The following OGDH variants were observed in gnomAD, a reference collection of about 807,000 sequenced individuals.
The protein encoded by OGDH is oxoglutarate dehydrogenase, also known as 2-oxoglutarate dehydrogenase complex component E1.
A neutral mutation model predicts 116.6 loss-of-function variants in OGDH; 38 were observed. That is an observed-to-expected ratio of 0.33 (90% CI 0.25 to 0.43). OGDH has a LOEUF of 0.43. OGDH is among the 20% of genes least tolerant of loss of function. The pLI is 1.00. For missense variants in OGDH, 825 were observed against 1,357.2 expected (o/e 0.61, Z 6.16); for synonymous variants, 488 against 533.3 (o/e 0.92, Z 1.17).
At chr7:44,678,399 T>C (rs1420352688) in intron 9 of OGDH, among the ~76,000 whole-genome samples, 2 of 152,194 alleles carry the variant, frequency 1.3e-5, no homozygotes, top group Non-Finnish European at 1.5e-5. Flanking sequence ...CTAGCAGTAC[T>C]CACCTCATAA....
At chr7:44,669,140 G>A (rs970987470) in intron 5 of OGDH, among the ~76,000 whole-genome samples, 10 of 115,810 alleles carry the variant, frequency 8.6e-5, no homozygotes, top group Non-Finnish European at 1.3e-4. Flanking sequence ...TGGGGAGCCC[G>A]GCAGCTTTTT....
rs1339200705 is a variant in OGDH, at chr7:44,645,357, G to A, written c.253G>A (p.Ala85Thr). ...GGACATTTTTTTTCGCAACACGAAT[G>A]CCGGAGCCCCACCGGGCACTGCCTA... The part of the protein sequence containing the change: ...SWDIFFRNTN[A>T]GAPPGTAYQS... Residue 85 changes from alanine (A) to threonine (T), a missense_variant, in exon 3 of 23, where the codon GCC becomes ACC. Physicochemically the swap from Ala to Thr is moderately conservative, Grantham distance 58. Around this residue, in one of 7 missense-constraint regions of OGDH, gnomAD observed 126 missense variants for 130.4 expected, o/e 0.97. Transcript: ENST00000222673. 3.1e-6 allele frequency: 5 copies of A among 1,613,902 alleles called. No homozygotes were observed. Among genetic ancestry groups the A allele is most frequent in the Non-Finnish European group, 3.4e-6 (4 of 1,179,972 alleles).
intron 10 of OGDH, 150 bp downstream of exon 10, chr7:44,681,998 G>A (rs1787948422): frequency 2.8e-6 from 3 of 1,086,132 alleles, no homozygotes; most frequent in Non-Finnish European, 3.9e-6. Context: ...TGTAATCGTA[G>A]CACTTTGGGA....
chr7:44,657,774 T>C (rs777284716), intron 4 of OGDH, among the ~76,000 whole-genome samples: 6 of 152,258 alleles, frequency 3.9e-5, no homozygotes, highest in Non-Finnish European at 5.9e-5. Flanking sequence ...GTTTTACATA[T>C]AAATCTATCA....
chr7:44,624,310 T>TTTTTTTTA lies in OGDH; in HGVS notation c.-27-7_-27-6insTTTTTTTA. On this transcript the variant is annotated splice_region_variant and splice_polypyrimidine_tract_variant and intron_variant, in intron 1 of 22. Transcript: ENST00000222673. ...TTTCTTGTTTTTTTTTTTTTTTTTT[T>TTTTTTTTA]GTACAGGCAGTTGTGAAAAACTTCA... is the stretch of plus-strand genomic sequence containing the variant. 9.1e-7 allele frequency: 1 copy of TTTTTTTTA among 1,102,340 alleles called. No homozygotes were observed. The highest frequency in any genetic ancestry group is 2.0e-5 in the South Asian group (1 of 51,012). 68.3% of individuals were successfully genotyped at this position (1,102,340 alleles called of 1,614,324 possible). A position where few individuals can be genotyped will look rare whatever the true frequency, so the allele number is the denominator to read the frequency against.
chr7:44,610,364 G>A (rs182738004), intron 1 of OGDH, among the ~76,000 whole-genome samples: 55 of 152,112 alleles, frequency 3.6e-4, no homozygotes, highest in African/African-American at 1.3e-3. Context: ...AGGCTGGAGT[G>A]CAGTGGCGTA....
At chr7:44,631,390 C>T (rs1033075710) in intron 2 of OGDH, among the ~76,000 whole-genome samples, 2 of 152,132 alleles carry the variant, frequency 1.3e-5, no homozygotes, top group Non-Finnish European at 2.9e-5. Context: ...ACCCATCACC[C>T]AGATAATGAA....
chr7:44,630,745 T>C (rs1442377948), intron 2 of OGDH, among the ~76,000 whole-genome samples: 2 of 152,256 alleles, frequency 1.3e-5, no homozygotes, highest in East Asian at 1.9e-4. Context: ...ATAGTTGTTA[T>C]ACTTCATTGT....
At chr7:44,688,147 G>T (rs1397701475) in intron 10 of OGDH, among the ~76,000 whole-genome samples, 1 of 152,060 alleles carries the variant, frequency 6.6e-6, no homozygotes, top group African/African-American at 2.4e-5. Context: ...GAGGCAGGTG[G>T]ATCATCTGAG....
intron 2 of OGDH, among the ~76,000 whole-genome samples, chr7:44,634,902 G>C (rs940499753): frequency 3.9e-5 from 6 of 152,208 alleles, no homozygotes; most frequent in African/African-American, 1.4e-4. Context: ...CTGGAGGTGG[G>C]CATTCCATCC....
At chr7:44,608,915 T>G (rs1367249987) in intron 1 of OGDH, among the ~76,000 whole-genome samples, 1 of 152,144 alleles carries the variant, frequency 6.6e-6, no homozygotes, top group African/African-American at 2.4e-5. Flanking sequence ...CCCACTTCTC[T>G]AACATTGTGC....
intron 1 of OGDH, among the ~76,000 whole-genome samples, chr7:44,614,058 G>A (rs148780799): frequency 0.011 from 1,607 of 151,884 alleles, 27 homozygotes; most frequent in African/African-American, 0.037. Flanking sequence ...CGCTCGCCTC[G>A]GCCTCCCAAA....
chr7:44,698,579 C>G (rs1034401280), intron 18 of OGDH, among the ~76,000 whole-genome samples: 1 of 152,100 alleles, frequency 6.6e-6, no homozygotes, highest in Admixed American at 6.5e-5. Flanking sequence ...TGATTCAGGT[C>G]TGGAAGCCCT....
chr7:44,672,835 G>A (rs529012899), intron 5 of OGDH, among the ~76,000 whole-genome samples: 190 of 152,100 alleles, frequency 1.2e-3, no homozygotes, highest in African/African-American at 4.2e-3. Flanking sequence ...TAGAGACGGG[G>A]TTTCACCATA....
intron 3 of OGDH, 82 bp from the exon 4 acceptor site, chr7:44,647,575 A>ACTTTTTTTTTACCCCTTCCCT (rs1786243333): frequency 6.6e-7 from 1 of 1,525,444 alleles, no homozygotes; most frequent in Non-Finnish European, 9.0e-7. Context: ...ATGTAATTTT[A>ACTTTTTTTTTACCCCTTCCCT]CTTTTTTTTT....
intron 5 of OGDH, among the ~76,000 whole-genome samples, chr7:44,667,431 G>A (rs1787234156): frequency 6.6e-6 from 1 of 152,196 alleles, no homozygotes; most frequent in Admixed American, 6.5e-5. Flanking sequence ...CAAGTCAGGG[G>A]TGGCTTCGTG....
At chr7:44,607,080 G>A (rs968426644) in intron 1 of OGDH, among the ~76,000 whole-genome samples, 5 of 152,220 alleles carry the variant, frequency 3.3e-5, no homozygotes, top group Admixed American at 2.0e-4. Flanking sequence ...TCCCGACCGG[G>A]ACGCACTCTC....
rs1260132895 is a variant in OGDH, at chr7:44,694,977, G to A, written c.1668+401G>A. Among the ~76,000 whole-genome samples, 1 of 152,158 alleles carries A rather than the reference G, an allele frequency of 6.6e-6. No homozygotes were observed. Among genetic ancestry groups the A allele is most frequent in the Non-Finnish European group, 1.5e-5 (1 of 68,028 alleles). ...AGGCCAAGCAGCTGCCCTAGAGAGG[G>A]AGAGGGTGGGTGTGAGGAGCTATAT... is the stretch of plus-strand genomic sequence containing the variant. On this transcript the variant is annotated intron_variant, in intron 12 of 22. Coordinates refer to ENST00000222673, the MANE Select transcript of OGDH (RefSeq NM_002541.4). The surrounding 1 kb of genome is among the most constrained non-coding windows in gnomAD (Gnocchi z 4.2).
chr7:44,643,137 A>C (rs1786025394), intron 2 of OGDH, among the ~76,000 whole-genome samples: 1 of 149,494 alleles, frequency 6.7e-6, no homozygotes, highest in African/African-American at 2.5e-5. Context: ...TAAGTGTACC[A>C]TTCAGTGGAG....
Sources: gnomAD v4.1 joint callset for allele counts (sites outside exome capture counted in the v4.1 genomes callset) on GRCh38, gnomAD v4.1.1 for gene constraint, gnomAD v4.1.1 regional missense constraint, Gnocchi (gnomAD v3.1) non-coding constraint, MANE v1.5 for transcripts, NCBI Gene and HGNC (gene_info 2026-07-23, HGNC 2026-07-21) for gene names.